CELF2: variants seen among roughly 807,000 people sequenced by gnomAD.
CELF2 encodes the protein CUGBP Elav-like family member 2, also known as CUG triplet repeat RNA-binding protein 2.
Under a neutral mutation model 62.6 loss-of-function variants are expected in CELF2, and 8 were observed. The observed-to-expected ratio is 0.13, with a 90% confidence interval of 0.07 to 0.23. The LOEUF is 0.23. Ranked by LOEUF, CELF2 falls within the 10% of genes least tolerant of loss-of-function variation. The pLI is 1.00. For synonymous variants in CELF2, 258 were observed against 250.0 expected, an observed-to-expected ratio of 1.03 and a Z score of -0.30; for missense variants, 333 against 671.0, an observed-to-expected ratio of 0.50 and a Z score of 5.56.
chr10:10,977,745 A>G (rs184384751), intron 2 of CELF2, among the ~76,000 whole-genome samples: 1 of 152,362 alleles, frequency 6.6e-6, no homozygotes, highest in East Asian at 1.9e-4. Flanking sequence ...CCTTTCTGGC[A>G]GTTCACTGTC....
At chr10:10,941,699 G>C (rs138421592) in intron 2 of CELF2, among the ~76,000 whole-genome samples, 129 of 152,232 alleles carry the variant, frequency 8.5e-4, no homozygotes, top group African/African-American at 2.8e-3. Flanking sequence ...GTTAACCTTA[G>C]AAATCAAAAG....
the CELF2 span, among the ~76,000 whole-genome samples, chr10:10,494,987 C>T: frequency 2.0e-5 from 3 of 152,034 alleles, no homozygotes; most frequent in African/African-American, 7.2e-5. Flanking sequence ...AAAAATTTAC[C>T]TCTTTGTGGC....
intron 1 of CELF2, among the ~76,000 whole-genome samples, chr10:11,126,011 G>C (rs572048800): frequency 1.5e-4 from 23 of 152,250 alleles, no homozygotes; most frequent in African/African-American, 5.5e-4. Flanking sequence ...CCATCACTCA[G>C]AATAAGGTCT....
chr10:10,686,472 G>C, the CELF2 span, among the ~76,000 whole-genome samples: 890 of 152,158 alleles, frequency 5.8e-3, 3 homozygotes, highest in Non-Finnish European at 8.2e-3. Context: ...GTTATGGTTT[G>C]GCTCTGTGTC....
chr10:11,079,170 C>T (rs891780066), intron 1 of CELF2, among the ~76,000 whole-genome samples: 2 of 152,152 alleles, frequency 1.3e-5, no homozygotes, highest in Non-Finnish European at 2.9e-5. Context: ...CGTTCTAAAA[C>T]TTACTGAGAG....
chr10:11,242,500 G>T lies in CELF2; in HGVS notation c.355-6653G>T, dbSNP rs182268373. ...TTGTGTCCATAGTGGCGACTCTGGA[G>T]AGTATAGCTGCTGGGTGCAGCTGCT... is the stretch of plus-strand genomic sequence containing the variant. On this transcript the variant is annotated intron_variant, in intron 3 of 12. Transcript: ENST00000633077. This position sits in a 1 kb window ranked among gnomAD's most constrained non-coding sequence, Gnocchi z 4.8. Among the ~76,000 whole-genome samples, 26 of 152,326 alleles carry T rather than the reference G, an allele frequency of 1.7e-4. No homozygotes were observed. The East Asian group carries it at 4.2e-3, about 25-fold the overall frequency.
At chr10:11,196,217 G>A (rs1307416880) in intron 2 of CELF2, among the ~76,000 whole-genome samples, 1 of 152,244 alleles carries the variant, frequency 6.6e-6, no homozygotes, top group Non-Finnish European at 1.5e-5. Context: ...CGTGAGCAGC[G>A]TCAGCGTCTT....
the CELF2 span, among the ~76,000 whole-genome samples, chr10:10,742,103 A>C: frequency 6.6e-6 from 1 of 152,152 alleles, no homozygotes; most frequent in East Asian, 1.9e-4. Flanking sequence ...TCCTCATTTA[A>C]GGTAATTGAT....
rs1167638947 is a variant in CELF2, at chr10:11,049,491, G to A, written c.74+31328G>A. ...GTAGTCTGTGAAAACAATGTGAACC[G>A]GGACCTCTGATCTTCATTCCTGTTC... On this transcript the variant is annotated intron_variant, in intron 1 of 12. Transcript: ENST00000633077. Among the ~76,000 whole-genome samples, 9 of 145,134 alleles carry A rather than the reference G, an allele frequency of 6.2e-5. 1 individual carries two copies. Among genetic ancestry groups the A allele is most frequent in the Admixed American group, 2.2e-4 (3 of 13,854 alleles).
chr10:10,555,018 A>C, the CELF2 span, among the ~76,000 whole-genome samples: 118 of 152,302 alleles, frequency 7.7e-4, no homozygotes, highest in African/African-American at 2.6e-3. Flanking sequence ...GGGCATTAAA[A>C]AGAGTTACAA....
At chr10:10,556,264 T>G in the CELF2 span, among the ~76,000 whole-genome samples, 1 of 151,804 alleles carries the variant, frequency 6.6e-6, no homozygotes, top group African/African-American at 2.4e-5. Context: ...TTCCCACCTA[T>G]GAGTGACAAT....
chr10:10,640,017 A>G, the CELF2 span, among the ~76,000 whole-genome samples: 8 of 152,358 alleles, frequency 5.3e-5, no homozygotes, highest in Middle Eastern at 3.4e-3. Context: ...AAGCTGGCAC[A>G]TGGTTCAAGC....
At chr10:11,140,025 A>T (rs1000822335) in intron 1 of CELF2, among the ~76,000 whole-genome samples, 1 of 152,138 alleles carries the variant, frequency 6.6e-6, no homozygotes, top group African/African-American at 2.4e-5. Flanking sequence ...GTGGGATTTC[A>T]TTTAAAGTAA....
the CELF2 span, chr10:10,784,700 G>C: frequency 6.6e-6 from 1 of 152,266 alleles, no homozygotes; most frequent in Non-Finnish European, 1.5e-5. Context: ...GGTTTATGTG[G>C]GTACAGGATA....
the CELF2 span, among the ~76,000 whole-genome samples, chr10:10,509,840 A>G: frequency 6.6e-6 from 1 of 152,190 alleles, no homozygotes; most frequent in Non-Finnish European, 1.5e-5. Context: ...ATTGAGGGTG[A>G]ATTCCTAGAG....
At chr10:10,651,303 C>T in the CELF2 span, among the ~76,000 whole-genome samples, 2 of 147,684 alleles carry the variant, frequency 1.4e-5, no homozygotes, top group Admixed American at 6.8e-5. Flanking sequence ...GAGGGGTGCC[C>T]GCCATTGCCC....
intron 2 of CELF2, among the ~76,000 whole-genome samples, chr10:10,989,834 A>G (rs1345419618): frequency 1.3e-5 from 2 of 152,274 alleles, no homozygotes; most frequent in East Asian, 3.9e-4. Context: ...ACATAAACTG[A>G]CCATAAAAGT....
chr10:10,746,194 T>A, the CELF2 span, among the ~76,000 whole-genome samples: 1 of 152,220 alleles, frequency 6.6e-6, no homozygotes, highest in East Asian at 1.9e-4. Flanking sequence ...GTAGCAGGAT[T>A]TGTTATTATG....
the CELF2 span, among the ~76,000 whole-genome samples, chr10:10,692,014 G>T: frequency 0.32 from 47,821 of 149,290 alleles, 8,333 homozygotes; most frequent in South Asian, 0.54. Flanking sequence ...TTAGTTTAAT[G>T]AGATCCCATT....
Sources: gnomAD v4.1 joint callset for allele counts (sites outside exome capture counted in the v4.1 genomes callset) on GRCh38, gnomAD v4.1.1 for gene constraint, Gnocchi (gnomAD v3.1) non-coding constraint, MANE v1.5 for transcripts, NCBI Gene and HGNC (gene_info 2026-07-23, HGNC 2026-07-21) for gene names.